Variants in TLR9 observed in about 807,000 individuals in gnomAD.
TLR9 encodes toll like receptor 9, also known as toll-like receptor 9.
Under a neutral mutation model 24.6 loss-of-function variants are expected in TLR9, and 19 were observed. The observed-to-expected ratio is 0.77, with a 90% CI of 0.54 to 1.13. TLR9 has a LOEUF of 1.13. TLR9 is among the 50% of genes most tolerant of loss of function. TLR9 has a pLI of 0.00. For synonymous variants in TLR9, 579 were observed against 609.8 expected (o/e 0.95, Z 0.74); for missense variants, 1,065 against 1,379.6 (o/e 0.77, Z 3.61).
At position 52,222,370 on chromosome 3, in the gene TLR9, C is replaced by T. The variant is rs202082899; in HGVS notation, c.1946G>A (p.Arg649His). 19 of 1,614,148 alleles carry T rather than the reference C, an allele frequency of 1.2e-5. 1 individual carries two copies. The highest frequency in any genetic ancestry group is 2.2e-5 in the East Asian group (1 of 44,884). Residue 649 changes from arginine (R) to histidine (H), a missense_variant, in exon 2 of 2, where the codon CGC (arginine) becomes CAC (histidine). Coordinates refer to ENST00000360658, the MANE Select transcript of TLR9 (RefSeq NM_017442.4). ...CACCTGTAGGCTCTTGGGGAGGTTGCGCAGGGTTTGGGGCAGGAGGGTGTG... is the reference window on the plus strand; with the variant it reads ...CACCTGTAGGCTCTTGGGGAGGTTGTGCAGGGTTTGGGGCAGGAGGGTGTG... ...RLHTLLPQTL[R>H]NLPKSLQVLR...
In TLR9 at chr3:52,222,486, C is replaced by T. The variant is rs1699571950; in HGVS notation, c.1830G>A (p.Leu610=). ...GGTCTCCCTCGGCCCACATATGGCC[C>T]AGTGCATTGCCGCTGAAGTCCAGGG... ...LRALDFSGNA[L]GHMWAEGDLY... is the part of the protein sequence containing the mutation. Residue 610 remains leucine (L), a synonymous_variant, in exon 2 of 2, where the codon CTG becomes CTA. Transcript: ENST00000360658. 3.1e-6 allele frequency: 5 copies of T among 1,614,244 alleles called. No homozygotes were observed. The highest frequency in any genetic ancestry group is 1.6e-4 in the Middle Eastern group (1 of 6,062).
At position 52,225,644 on chromosome 3, in the gene TLR9, A is replaced by G; in HGVS notation, c.-115T>C. 1 of 1,439,540 alleles carries G rather than the reference A, an allele frequency of 6.9e-7. No individual in the cohort carries two copies. The highest frequency in any genetic ancestry group is 9.6e-7 in the Non-Finnish European group (1 of 1,044,100). The allele number at this position is 1,439,540 out of a possible 1,614,324, so 89.2% of individuals were successfully genotyped here. A position where few individuals can be genotyped will look rare whatever the true frequency, so the allele number is the denominator to read the frequency against. On this transcript the variant is annotated 5_prime_UTR_variant, in exon 1 of 2. Transcript: ENST00000360658. ...CACAGGGGCAGCAGCGGCTCAGAGA[A>G]TAGAGGAAGTAAGATTTTTATACCA...
At position 52,223,164 on chromosome 3, in the gene TLR9, G is replaced by A. The variant is rs1176907211; in HGVS notation, c.1152C>T (p.Leu384=). 2.5e-6 allele frequency: 4 copies of A among 1,613,950 alleles called. No homozygotes were observed. In the South Asian group the frequency reaches 3.3e-5, roughly 13 times the overall value. The part of the protein sequence containing the change: ...IFFRSLDETT[L]RPLARLPMLQ... ...GCATGGGCAGGCGGGCCAGTGGCCG[G>A]AGCGTGGTCTCATCGAGTGAGCGGA... Residue 384 remains leucine (L), a synonymous_variant, in exon 2 of 2, where the codon CTC becomes CTT. Transcript: ENST00000360658.
rs1268394652 is a variant in TLR9, at chr3:52,222,246, C to T, written c.2070G>A (p.Lys690=). 6.2e-7 allele frequency: 1 copy of T among 1,614,190 alleles called. No individual in the cohort carries two copies. The highest frequency in any genetic ancestry group is 1.1e-5 in the South Asian group (1 of 91,084). Residue 690 remains lysine (K), a synonymous_variant, in exon 2 of 2, where the codon AAG becomes AAA. Transcript: ENST00000360658. ...EVLDLAGNQL[K]ALTNGSLPAG... ...CAGGCAGGCTGCCATTGGTCAGGGC[C>T]TTCAGCTGGTTTCCTGCCAGGTCGA...
rs201417455 is a variant in TLR9 at position 52,223,058 on chromosome 3, C to T, written c.1258G>A (p.Val420Met). The T allele has an allele frequency of 4.7e-5, 76 of 1,600,700 alleles. No individual in the cohort carries two copies. The highest frequency in any genetic ancestry group is 5.3e-5 in the Non-Finnish European group (62 of 1,172,256). Residue 420 changes from valine to methionine, a missense_variant, in exon 2 of 2, where the codon GTG becomes ATG. By Grantham distance (21) the Val-to-Met change is conservative. Coordinates refer to ENST00000360658, the MANE Select transcript of TLR9 (RefSeq NM_017442.4). Reference protein sequence around the residue: ...IFRAFPGLRYVDLSDNRISGA... With the variant: ...IFRAFPGLRYMDLSDNRISGA... Reference sequence around the variant, plus strand: ...CTGATGCGGTTGTCCGACAGGTCCACGTAGCGCAGGCCAGGGAAGGCCCTG... The same window carrying T: ...CTGATGCGGTTGTCCGACAGGTCCATGTAGCGCAGGCCAGGGAAGGCCCTG...
chr3:52,223,357 A>G lies in TLR9; in HGVS notation c.959T>C (p.Leu320Pro), dbSNP rs1299111372. The change falls in exon 2 of 2, where the codon CTC becomes CCC. Residue 320 changes from leucine to proline, a missense_variant. Coordinates refer to ENST00000360658, the MANE Select transcript of TLR9 (RefSeq NM_017442.4). ...CTTGGTTTTAGTGATGCATTTGTAGAGGAAGTTCTCACTCAGGTCCAGCAC... is the reference window on the plus strand; with the variant it reads ...CTTGGTTTTAGTGATGCATTTGTAGGGGAAGTTCTCACTCAGGTCCAGCAC... ...LRVLDLSENF[L>P]YKCITKTKAF... is the part of the protein sequence containing the mutation. 6.2e-7 allele frequency: 1 copy of G among 1,614,216 alleles called. No homozygotes were observed. The highest frequency in any genetic ancestry group is 1.7e-5 in the Admixed American group (1 of 60,030).
rs200990571 is a variant in TLR9, at chr3:52,221,928, G to A, written c.2388C>T (p.Leu796=). The change falls in exon 2 of 2, where the codon CTC becomes CTT. Residue 796 remains leucine, a synonymous_variant. Transcript: ENST00000360658. The surrounding 1 kb of genome is among the most constrained non-coding windows in gnomAD (Gnocchi z 9.9). The part of the protein sequence containing the change: ...SRVKCGSPGQ[L]QGLSIFAQDL... Reference sequence around the variant, plus strand: ...CCTGTGCAAAGATGCTGAGGCCCTGGAGCTGGCCCGGACTGCCACACTTCA... The same window carrying A: ...CCTGTGCAAAGATGCTGAGGCCCTGAAGCTGGCCCGGACTGCCACACTTCA... The A allele has an allele frequency of 8.2e-5, 133 of 1,612,812 alleles. No homozygotes were observed. Among genetic ancestry groups the A allele is most frequent in the Non-Finnish European group, 1.1e-4 (131 of 1,179,638 alleles).
Position 52,223,930 on chromosome 3 carries a change from T to C in TLR9, c.386A>G (p.Asn129Ser). 1.9e-6 allele frequency: 3 copies of C among 1,594,228 alleles called. No homozygotes were observed. Among genetic ancestry groups the C allele is most frequent in the Non-Finnish European group, 1.7e-6 (2 of 1,167,908 alleles). The change falls in exon 2 of 2, where the codon AAC (asparagine) becomes AGC (serine). Residue 129 changes from asparagine to serine, a missense_variant. By Grantham distance (46) the Asn-to-Ser change is conservative. Transcript: ENST00000360658. The part of the protein sequence containing the change: ...FLAVPTLEEL[N>S]LSYNNIMTVP... Reference sequence around the variant, plus strand: ...AGTCATGATGTTGTTGTAGCTCAGGTTTAGCTCTTCCAGGGTGGGCACAGC... The same window carrying C: ...AGTCATGATGTTGTTGTAGCTCAGGCTTAGCTCTTCCAGGGTGGGCACAGC...
chr3:52,225,437 C>T (rs1699610828), intron 1 of TLR9, 90 bp downstream of exon 1: 1 of 1,568,730 alleles, frequency 6.4e-7, no homozygotes, highest in Middle Eastern at 1.9e-4. Flanking sequence ...GACAACCCGT[C>T]ACTGTTGCTT....
In TLR9 at chr3:52,222,849, C is replaced by T. The variant is rs760064176; in HGVS notation, c.1467G>A (p.Pro489=). The part of the protein sequence containing the change: ...LSRNNLVTVQ[P]EMFAQLSHLQ... ...GGTGCGAGAGCTGGGCAAACATCTC[C>T]GGCTGCACGGTCACCAGGTTGTTCC... The change falls in exon 2 of 2, where the codon CCG becomes CCA. Residue 489 remains proline, a synonymous_variant. Coordinates refer to ENST00000360658, the MANE Select transcript of TLR9 (RefSeq NM_017442.4). The T allele has an allele frequency of 1.6e-5, 25 of 1,612,026 alleles. No individual in the cohort carries two copies. Among genetic ancestry groups the T allele is most frequent in the South Asian group, 3.3e-5 (3 of 91,038 alleles).
chr3:52,223,835 CAG>C lies in TLR9; in HGVS notation c.479_480del (p.Ser160CysfsTer78). The C allele has an allele frequency of 6.2e-7, 1 of 1,610,710 alleles. No individual in the cohort carries two copies. The highest frequency in any genetic ancestry group is 8.5e-7 in the Non-Finnish European group (1 of 1,178,038). ...LSHTNILMLDSASLAGLHALR... is the reference protein window; with the variant it reads ...LSHTNILMLDXASLAGLHALR... The stretch of plus-strand genomic sequence containing the variant: ...AGGGCATGCAGGCCGGCGAGGCTGG[CAG>C]AGTCTAGCATCAGGATGTTGGTATG... On this transcript the variant is annotated frameshift_variant, in exon 2 of 2. Coordinates refer to ENST00000360658, the MANE Select transcript of TLR9 (RefSeq NM_017442.4). LOFTEE classifies it low-confidence loss of function (END_TRUNC).
Position 52,223,465 on chromosome 3 carries a change from C to T in TLR9, c.851G>A (p.Ser284Asn). 1 of 1,580,200 alleles carries T rather than the reference C, an allele frequency of 6.3e-7. No homozygotes were observed. The highest frequency in any genetic ancestry group is 8.6e-7 in the Non-Finnish European group (1 of 1,161,318). The change falls in exon 2 of 2, where the codon AGC becomes AAC. Residue 284 changes from serine (S) to asparagine (N), a missense_variant. Transcript: ENST00000360658. ...CTTCAACACCAGGCCTTCAAGACGG[C>T]TCAGGTGGCTGAAGGTATCGGGATG... The part of the protein sequence containing the change: ...QLHPDTFSHL[S>N]RLEGLVLKDS...
rs1340800121 is a variant in TLR9 at position 52,221,357 on chromosome 3, G to A, written c.2959C>T (p.Leu987Phe). 1 of 1,583,778 alleles carries A rather than the reference G, an allele frequency of 6.3e-7. No individual in the cohort carries two copies. Among genetic ancestry groups the A allele is most frequent in the Non-Finnish European group, 8.6e-7 (1 of 1,163,034 alleles). Residue 987 changes from leucine to phenylalanine, a missense_variant, in exon 2 of 2, where the codon CTC becomes TTC. By Grantham distance (22) the Leu-to-Phe change is conservative. Transcript: ENST00000360658. This position sits in a 1 kb window ranked among gnomAD's most constrained non-coding sequence, Gnocchi z 9.9. Reference sequence around the variant, plus strand: ...CAGAGGAGGACACTCTGGCGGCAGAGGCGCTGGCGCAGCCGCACGTAGCGG... The same window carrying A: ...CAGAGGAGGACACTCTGGCGGCAGAAGCGCTGGCGCAGCCGCACGTAGCGG... ...RSRYVRLRQR[L>F]CRQSVLLWPH...
chr3:52,224,240 G>C lies in TLR9; in HGVS notation c.76C>G (p.Leu26Val). The change falls in exon 2 of 2, where the codon CTG becomes GTG. Residue 26 changes from leucine (L) to valine (V), a missense_variant. Physicochemically the swap from Leu to Val is conservative, Grantham distance 32. Transcript: ENST00000360658. ...QAIMLAMTLA[L>V]GTLPAFLPCE... Reference sequence around the variant, plus strand: ...GGTAGGAAGGCAGGCAAGGTACCCAGGGCCAGGGTCATGGCCAGCATGATG... The same window carrying C: ...GGTAGGAAGGCAGGCAAGGTACCCACGGCCAGGGTCATGGCCAGCATGATG... 6.2e-7 allele frequency: 1 copy of C among 1,613,290 alleles called. No individual in the cohort carries two copies. The highest frequency in any genetic ancestry group is 8.5e-7 in the Non-Finnish European group (1 of 1,179,620).
In TLR9 at chr3:52,222,338, G is replaced by A; in HGVS notation, c.1978C>T (p.Leu660Phe). The change falls in exon 2 of 2, where the codon CTC becomes TTC. Residue 660 changes from leucine (L) to phenylalanine (F), a missense_variant. By Grantham distance (22) the Leu-to-Phe change is conservative. Coordinates refer to ENST00000360658, the MANE Select transcript of TLR9 (RefSeq NM_017442.4). ...AAGAAGGCCAGGTAATTGTCACGGA[G>A]ACGCAGCACCTGTAGGCTCTTGGGG... ...NLPKSLQVLR[L>F]RDNYLAFFKW... 6.2e-7 allele frequency: 1 copy of A among 1,614,244 alleles called. No individual in the cohort carries two copies. Among genetic ancestry groups the A allele is most frequent in the Non-Finnish European group, 8.5e-7 (1 of 1,180,044 alleles).
In TLR9 at chr3:52,222,553, T is replaced by C; in HGVS notation, c.1763A>G (p.His588Arg). ...GCAGAGCTGCTGGGACACTTGGCTG[T>C]GGATGTTGTTGTGGGCCAGGCTGAG... ...RHLSLAHNNI[H>R]SQVSQQLCST... The change falls in exon 2 of 2, where the codon CAC becomes CGC. Residue 588 changes from histidine to arginine, a missense_variant. Coordinates refer to ENST00000360658, the MANE Select transcript of TLR9 (RefSeq NM_017442.4). 1 of 1,614,194 alleles carries C rather than the reference T, an allele frequency of 6.2e-7. No individual in the cohort carries two copies. Among genetic ancestry groups the C allele is most frequent in the Admixed American group, 1.7e-5 (1 of 60,034 alleles).
Position 52,223,934 on chromosome 3 carries a change from G to A in TLR9, c.382C>T (p.Leu128=), listed in dbSNP as rs760434000. The A allele has an allele frequency of 1.2e-5, 19 of 1,593,310 alleles. No individual in the cohort carries two copies. Among genetic ancestry groups the A allele is most frequent in the Non-Finnish European group, 1.5e-5 (18 of 1,167,452 alleles). The change falls in exon 2 of 2, where the codon CTA becomes TTA. Residue 128 remains leucine (L), a synonymous_variant. Transcript: ENST00000360658. ...ATGATGTTGTTGTAGCTCAGGTTTA[G>A]CTCTTCCAGGGTGGGCACAGCCAAG... ...TFLAVPTLEE[L]NLSYNNIMTV...
At position 52,222,088 on chromosome 3, in the gene TLR9, G is replaced by A; in HGVS notation, c.2228C>T (p.Ser743Phe). The A allele has an allele frequency of 6.2e-7, 1 of 1,612,712 alleles. No homozygotes were observed. Among genetic ancestry groups the A allele is most frequent in the Non-Finnish European group, 8.5e-7 (1 of 1,179,278 alleles). Residue 743 changes from serine (S) to phenylalanine (F), a missense_variant, in exon 2 of 2, where the codon TCC (serine) becomes TTC (phenylalanine). Transcript: ENST00000360658. The stretch of plus-strand genomic sequence containing the variant: ...GGCACTCGCCAGGGGCCCAAACCAG[G>A]AGTGGTCCACTGTCTTGAGGGCGTT... Reference protein sequence around the residue: ...SANALKTVDHSWFGPLASALQ... With the variant: ...SANALKTVDHFWFGPLASALQ...
At position 52,223,053 on chromosome 3, in the gene TLR9, G is replaced by A. The variant is rs759222701; in HGVS notation, c.1263C>T (p.Asp421=). The A allele has an allele frequency of 1.9e-6, 3 of 1,596,126 alleles. No homozygotes were observed. In the South Asian group the frequency reaches 3.4e-5, roughly 18 times the overall value. The change falls in exon 2 of 2, where the codon GAC becomes GAT. Residue 421 remains aspartate, a synonymous_variant. Coordinates refer to ENST00000360658, the MANE Select transcript of TLR9 (RefSeq NM_017442.4). ...FRAFPGLRYV[D]LSDNRISGAS... Reference sequence around the variant, plus strand: ...CTCCGCTGATGCGGTTGTCCGACAGGTCCACGTAGCGCAGGCCAGGGAAGG... The same window carrying A: ...CTCCGCTGATGCGGTTGTCCGACAGATCCACGTAGCGCAGGCCAGGGAAGG...
Sources: gnomAD v4.1 joint callset for allele counts on GRCh38, gnomAD v4.1.1 for gene constraint, Gnocchi (gnomAD v3.1) non-coding constraint, MANE v1.5 for transcripts, NCBI Gene and HGNC (gene_info 2026-07-23, HGNC 2026-07-21) for gene names.